The following TBCD variants were observed in gnomAD, a reference collection of about 807,000 sequenced individuals.
The protein encoded by TBCD is tubulin-specific chaperone D.
Under a neutral mutation model 169.3 loss-of-function variants are expected in TBCD, and 105 were observed. The ratio of observed to expected loss-of-function variants is 0.62; its 90% confidence interval spans 0.53 to 0.73. TBCD has a LOEUF of 0.73. Ranked by LOEUF, TBCD falls within the 30% of genes least tolerant of loss-of-function variation. The probability of loss-of-function intolerance (pLI) is 0.00; values close to 1 mark genes in which losing one functional copy is unlikely to be tolerated. For synonymous variants in TBCD, 700 were observed against 643.9 expected (o/e 1.09, Z -1.32); for missense variants, 1,444 against 1,600.1 (o/e 0.90, Z 1.66).
chr17:82,923,681 A>C lies in TBCD; in HGVS notation c.2208A>C (p.Leu736=), dbSNP rs369853961. The C allele has an allele frequency of 1.3e-6, 2 of 1,594,648 alleles. No individual in the cohort carries two copies. The highest frequency in any genetic ancestry group is 4.5e-5 in the East Asian group (2 of 44,202). Reference sequence around the variant, plus strand: ...CAGCAGTCTCGGCCCTGGCTGCTCTATGCAGTGAATATTACATGAAGGAGC... The same window carrying C: ...CAGCAGTCTCGGCCCTGGCTGCTCTCTGCAGTGAATATTACATGAAGGAGC... The part of the protein sequence containing the change: ...KDAAVSALAA[L]CSEYYMKEPG... Residue 736 remains leucine, a synonymous_variant, in exon 26 of 39, where the codon CTA becomes CTC. Transcript: ENST00000355528. The surrounding 1 kb of genome is among the most constrained non-coding windows in gnomAD (Gnocchi z 4.6).
chr17:82,897,512 C>T (rs970861163), intron 17 of TBCD, among the ~76,000 whole-genome samples: 6 of 60,804 alleles, frequency 9.9e-5, no homozygotes, highest in African/African-American at 1.8e-4. Flanking sequence ...AATGAGACTC[C>T]GTCTCAAAAA....
chr17:82,873,792 G>GC (rs2057774596), intron 14 of TBCD, among the ~76,000 whole-genome samples: 2 of 152,182 alleles, frequency 1.3e-5, no homozygotes, highest in South Asian at 4.1e-4. Flanking sequence ...GGAGGTTGGC[G>GC]CCGCTCGGTG....
chr17:82,875,278 G>T (rs1311596899), intron 14 of TBCD, among the ~76,000 whole-genome samples: 1 of 152,226 alleles, frequency 6.6e-6, no homozygotes, highest in Non-Finnish European at 1.5e-5. Context: ...ATAATTGTTG[G>T]AGTAGTGAAT....
chr17:82,863,145 C>A (rs1281825587), intron 13 of TBCD, among the ~76,000 whole-genome samples: 1 of 152,216 alleles, frequency 6.6e-6, no homozygotes, highest in Non-Finnish European at 1.5e-5. Context: ...CTGTGGGAAC[C>A]AGGCCTCCAT....
intron 1 of TBCD, among the ~76,000 whole-genome samples, chr17:82,752,900 C>T (rs2047190095): frequency 6.6e-6 from 1 of 152,156 alleles, no homozygotes; most frequent in Non-Finnish European, 1.5e-5. Flanking sequence ...GTGGGGAGGG[C>T]AGCAGCCTGT....
chr17:82,863,389 T>C (rs2056926929), intron 13 of TBCD, among the ~76,000 whole-genome samples: 1 of 152,114 alleles, frequency 6.6e-6, no homozygotes, highest in Non-Finnish European at 1.5e-5. Flanking sequence ...CCTTCAGTGA[T>C]GAGGGTGGCC....
chr17:82,772,650 G>C, intron 6 of TBCD, 143 bp downstream of exon 6: 2 of 892,248 alleles, frequency 2.2e-6, no homozygotes, highest in Admixed American at 3.6e-5. Context: ...CTCTGAGGGA[G>C]TGTGCAGCAG....
At chr17:82,850,303 C>T (rs2055647245) in intron 13 of TBCD, among the ~76,000 whole-genome samples, 1 of 130,436 alleles carries the variant, frequency 7.7e-6, no homozygotes, top group African/African-American at 2.9e-5. Flanking sequence ...CTGTTGTTGG[C>T]TGTGCTCTTC....
At chr17:82,767,179 T>C (rs1598406477) in intron 4 of TBCD, among the ~76,000 whole-genome samples, 1 of 152,102 alleles carries the variant, frequency 6.6e-6, no homozygotes, top group Non-Finnish European at 1.5e-5. Flanking sequence ...CGGGGCCTGC[T>C]ATGCTCGCTG....
Position 82,922,121 on chromosome 17 carries a change from G to A in TBCD, c.2178+544G>A, listed in dbSNP as rs1314876907. On this transcript the variant is annotated intron_variant, in intron 25 of 38. Coordinates refer to ENST00000355528, the MANE Select transcript of TBCD (RefSeq NM_005993.5). The surrounding 1 kb of genome is among the most constrained non-coding windows in gnomAD (Gnocchi z 4.1). ...TGCATAGATAAGAAACCATGGGCCC[G>A]GCGCAGTGGCGGGTGGATCACTTGA... Among the ~76,000 whole-genome samples, 5 of 152,316 alleles carry A rather than the reference G, an allele frequency of 3.3e-5. No individual in the cohort carries two copies. The highest frequency in any genetic ancestry group is 9.6e-5 in the African/African-American group (4 of 41,574).
chr17:82,829,273 G>A (rs2145212303), intron 13 of TBCD, among the ~76,000 whole-genome samples: 1 of 149,758 alleles, frequency 6.7e-6, no homozygotes, highest in South Asian at 2.1e-4. Context: ...ACACGCACTC[G>A]CAGACATGCA....
rs772606107 is a variant in TBCD at position 82,938,074 on chromosome 17, G to A, written c.3307G>A (p.Gly1103Ser). 24 of 1,613,108 alleles carry A rather than the reference G, an allele frequency of 1.5e-5. No individual in the cohort carries two copies. Among genetic ancestry groups the A allele is most frequent in the East Asian group, 2.2e-5 (1 of 44,874 alleles). The change falls in exon 36 of 39, where the codon GGC becomes AGC. Residue 1103 changes from glycine to serine, a missense_variant. Transcript: ENST00000355528. ...GTTCTGCGAGATGGTGCAGTTCCCC[G>A]GCGACGTGAGGAGGCAGGCCCTCCT... ...AVFCEMVQFP[G>S]DVRRQALLQL...
At chr17:82,754,034 G>A (rs2047269919) in intron 1 of TBCD, among the ~76,000 whole-genome samples, 1 of 151,722 alleles carries the variant, frequency 6.6e-6, no homozygotes, top group African/African-American at 2.4e-5. Flanking sequence ...GCGCCACCAC[G>A]CCCACCTAAT....
chr17:82,940,864 C>T (rs1023160944), intron 37 of TBCD, among the ~76,000 whole-genome samples: 1 of 152,158 alleles, frequency 6.6e-6, no homozygotes, highest in Non-Finnish European at 1.5e-5. Flanking sequence ...TCCAGCGAGG[C>T]TGGGTCGGGG....
At chr17:82,756,432 A>G (rs1158263051) in intron 2 of TBCD, among the ~76,000 whole-genome samples, 1 of 151,760 alleles carries the variant, frequency 6.6e-6, no homozygotes, top group Non-Finnish European at 1.5e-5. Context: ...GAGCTACTTA[A>G]TTCCTTTCTG....
chr17:82,815,344 T>G (rs946026940), intron 13 of TBCD, among the ~76,000 whole-genome samples: 27 of 152,302 alleles, frequency 1.8e-4, no homozygotes, highest in African/African-American at 6.3e-4. Context: ...TAAGGACACA[T>G]GCAGTGGCAC....
At chr17:82,939,318 T>C in intron 36 of TBCD, 49 bp from the exon 37 acceptor site, 1 of 1,471,518 alleles carries the variant, frequency 6.8e-7, no homozygotes, top group South Asian at 1.2e-5. Context: ...CTCTCCGGGG[T>C]GGGGCGGTGG....
chr17:82,891,427 T>C (rs2059128555), intron 16 of TBCD, among the ~76,000 whole-genome samples: 1 of 152,192 alleles, frequency 6.6e-6, no homozygotes, highest in Non-Finnish European at 1.5e-5. Flanking sequence ...AGCGGGAGCC[T>C]CGTGGAAGAA....
intron 11 of TBCD, among the ~76,000 whole-genome samples, chr17:82,808,512 GCCC>G (rs2051167223): frequency 8.1e-6 from 1 of 122,774 alleles, no homozygotes; most frequent in African/African-American, 3.2e-5. Context: ...GGGCGGGGAG[GCCC>G]CTGCTGTGGA....
Sources: gnomAD v4.1 joint callset for allele counts (sites outside exome capture counted in the v4.1 genomes callset) on GRCh38, gnomAD v4.1.1 for gene constraint, Gnocchi (gnomAD v3.1) non-coding constraint, MANE v1.5 for transcripts, NCBI Gene and HGNC (gene_info 2026-07-23, HGNC 2026-07-21) for gene names.